The following CHRDL2 variants were observed in gnomAD, a reference collection of about 807,000 sequenced individuals.
The protein encoded by CHRDL2 is chordin like 2.
A neutral mutation model predicts 54.3 loss-of-function variants in CHRDL2; 41 were observed. The ratio of observed to expected loss-of-function variants is 0.76; its 90% CI spans 0.59 to 0.98. The LOEUF is 0.98. CHRDL2 is among the 50% of genes least tolerant of loss of function. The pLI is 0.00. For synonymous variants in CHRDL2, 220 were observed against 224.3 expected (o/e 0.98, Z 0.17); for missense variants, 518 against 562.4 (o/e 0.92, Z 0.80).
At chr11:74,701,743 A>C in intron 9 of CHRDL2, 1 of 574,314 alleles carries the variant, frequency 1.7e-6, no homozygotes, top group Non-Finnish European at 3.2e-6. Flanking sequence ...AAAGTGCTAC[A>C]CACATTGGTT....
intron 3 of CHRDL2, 124 bp downstream of exon 3, chr11:74,713,262 G>T: frequency 2.6e-6 from 2 of 766,028 alleles, no homozygotes; most frequent in Non-Finnish European, 2.1e-6. Flanking sequence ...GAGCACCTTT[G>T]TGTGTCTACA....
At chr11:74,711,098 T>C in intron 3 of CHRDL2, 107 bp from the exon 4 acceptor site, 3 of 1,305,418 alleles carry the variant, frequency 2.3e-6, no homozygotes, top group Non-Finnish European at 3.2e-6. Flanking sequence ...GACCCCAGCT[T>C]GATATTTAAA....
chr11:74,718,656 T>C, intron 2 of CHRDL2, 64 bp downstream of exon 2: 1 of 1,112,520 alleles, frequency 9.0e-7, no homozygotes, highest in Non-Finnish European at 1.3e-6. Flanking sequence ...CCTTCTGGGG[T>C]GACTTCTCTG....
Position 74,718,737 on chromosome 11 carries a change from G to A in CHRDL2, c.178C>T (p.Arg60Cys), listed in dbSNP as rs1241551261. The A allele has an allele frequency of 9.9e-6, 16 of 1,609,616 alleles. No homozygotes were observed. Among genetic ancestry groups the A allele is most frequent in the Admixed American group, 3.3e-5 (2 of 59,904 alleles). The part of the protein sequence containing the change: ...LEPQGLMYCL[R>C]CTCSEGAHVS... ...GAACCTACCTCTGAGCAGGTACAGC[G>A]CAGGCAGTACATCAGGCCTTGTGGC... is the stretch of plus-strand genomic sequence containing the variant. Residue 60 changes from arginine to cysteine, a missense_variant, in exon 2 of 11, where the codon CGC becomes TGC. Coordinates refer to ENST00000376332, the MANE Select transcript of CHRDL2 (RefSeq NM_001278473.3).
chr11:74,712,102 G>C (rs540426145), intron 3 of CHRDL2, among the ~76,000 whole-genome samples: 2 of 152,182 alleles, frequency 1.3e-5, no homozygotes, highest in South Asian at 4.2e-4. Context: ...AAGCCACCGT[G>C]ACTGGCCAGA....
chr11:74,710,141 G>A (rs939871868), intron 4 of CHRDL2, among the ~76,000 whole-genome samples: 8 of 151,774 alleles, frequency 5.3e-5, no homozygotes, highest in Non-Finnish European at 8.8e-5. Context: ...GCATGAACCC[G>A]GGAGGCGGAG....
At chr11:74,704,036 T>C (rs1450924297) in intron 7 of CHRDL2, among the ~76,000 whole-genome samples, 1 of 152,194 alleles carries the variant, frequency 6.6e-6, no homozygotes, top group African/African-American at 2.4e-5. Context: ...GCAGCCTCGC[T>C]CTGCTCCCTC....
chr11:74,713,060 C>T (rs1187886600), intron 3 of CHRDL2, among the ~76,000 whole-genome samples: 1 of 152,192 alleles, frequency 6.6e-6, no homozygotes, highest in Non-Finnish European at 1.5e-5. Context: ...CCAGACTGCG[C>T]CCACACCCTC....
intron 1 of CHRDL2, chr11:74,719,381 TAC>T (rs5792667): frequency 0.13 from 9,839 of 76,308 alleles, 666 homozygotes; most frequent in African/African-American, 0.2. Flanking sequence ...CCCTCCCCTG[TAC>T]ACACACACAC....
chr11:74,710,920 C>G lies in CHRDL2; in HGVS notation c.361G>C (p.Gly121Arg). The G allele has an allele frequency of 1.2e-6, 2 of 1,614,080 alleles. No individual in the cohort carries two copies. The highest frequency in any genetic ancestry group is 1.7e-6 in the Non-Finnish European group (2 of 1,180,012). The change falls in exon 4 of 11, where the codon GGA becomes CGA. Residue 121 changes from glycine to arginine, a missense_variant. Gly to Arg is a moderately radical substitution (Grantham distance 125, BLOSUM62 -2). Coordinates refer to ENST00000376332, the MANE Select transcript of CHRDL2 (RefSeq NM_001278473.3). ...CQHNGTMYQH[G>R]EIFSAHELFP... is the part of the protein sequence containing the mutation. ...AGCTCATGGGCACTGAAGATCTCTCCGTGTTGGTACATGGTCCCGTTGTGC... is the reference window on the plus strand; with the variant it reads ...AGCTCATGGGCACTGAAGATCTCTCGGTGTTGGTACATGGTCCCGTTGTGC...
chr11:74,729,102 G>A (rs999305112), intron 1 of CHRDL2, among the ~76,000 whole-genome samples: 3 of 152,192 alleles, frequency 2.0e-5, no homozygotes, highest in African/African-American at 4.8e-5. Context: ...AGCAGGGTGT[G>A]GGTAGGATAA....
At chr11:74,722,628 A>G (rs889017671) in intron 1 of CHRDL2, among the ~76,000 whole-genome samples, 3 of 152,118 alleles carry the variant, frequency 2.0e-5, no homozygotes, top group Non-Finnish European at 2.9e-5. Context: ...TGACTCCCAG[A>G]GCTCTCTGTG....
At chr11:74,714,343 G>A (rs1185368191) in intron 2 of CHRDL2, among the ~76,000 whole-genome samples, 1 of 152,206 alleles carries the variant, frequency 6.6e-6, no homozygotes, top group Non-Finnish European at 1.5e-5. Context: ...ATAAATGAGA[G>A]TAAGGAAAGG....
Position 74,713,286 on chromosome 11 carries a change from G to C in CHRDL2, c.289+100C>G, listed in dbSNP as rs1313759238. The C allele has an allele frequency of 1.3e-5, 13 of 999,316 alleles. No homozygotes were observed. The East Asian group carries it at 1.7e-4, about 13-fold the overall frequency. 61.9% of individuals were successfully genotyped at this position (999,316 alleles called of 1,614,324 possible). On this transcript the variant is annotated intron_variant, in intron 3 of 10. Transcript: ENST00000376332. The stretch of plus-strand genomic sequence containing the variant: ...TGTGTGTCTACACCTCTGATGGGTA[G>C]AGACTGCCCCTCTCCTTGCAGGGGT...
chr11:74,697,559 T>C, intron 9 of CHRDL2: 1 of 545,808 alleles, frequency 1.8e-6, no homozygotes, highest in East Asian at 3.6e-5. Context: ...CCCCCTCTAA[T>C]CTGCAATCCT....
rs764610716 is a variant in CHRDL2, at chr11:74,704,605, G to A, written c.632C>T (p.Pro211Leu). The A allele has an allele frequency of 8.7e-6, 14 of 1,602,652 alleles. No individual in the cohort carries two copies. The highest frequency in any genetic ancestry group is 5.6e-5 in the South Asian group (5 of 88,646). ...GAGGCCAGTGGGGGCTGGGGTGCCC[G>A]GGCCTCTCTTTCTCCCAGCATCACT... ...CSSDAGRKRG[P>L]GTPAPTGLSA... Residue 211 changes from proline to leucine, a missense_variant, in exon 7 of 11, where the codon CCG (proline) becomes CTG (leucine). By Grantham distance (98) the Pro-to-Leu change is moderately conservative. Transcript: ENST00000376332.
chr11:74,710,148 G>A lies in CHRDL2; in HGVS notation c.432+701C>T, dbSNP rs561370589. The stretch of plus-strand genomic sequence containing the variant: ...GGAGAATGGCATGAACCCGGGAGGC[G>A]GAGCTTGCAGTGAGCCGAGATCACG... On this transcript the variant is annotated intron_variant, in intron 4 of 10. Coordinates refer to ENST00000376332, the MANE Select transcript of CHRDL2 (RefSeq NM_001278473.3). 3.3e-5 allele frequency among the ~76,000 whole-genome samples: 5 copies of A among 151,630 alleles called. No individual in the cohort carries two copies. The East Asian group carries it at 7.8e-4, about 24-fold the overall frequency.
chr11:74,711,036 T>C (rs776677161), intron 3 of CHRDL2, 45 bp from the exon 4 acceptor site: 4 of 1,574,894 alleles, frequency 2.5e-6, no homozygotes, highest in African/African-American at 2.7e-5. Context: ...TGAGGTTTCA[T>C]GTGAATCTTT....
Position 74,711,909 on chromosome 11 carries a change from A to T in CHRDL2, c.290-918T>A, listed in dbSNP as rs558619854. 5.3e-5 allele frequency among the ~76,000 whole-genome samples: 8 copies of T among 151,782 alleles called. No homozygotes were observed. The South Asian group carries it at 1.2e-3, about 24-fold the overall frequency. On this transcript the variant is annotated intron_variant, in intron 3 of 10. Transcript: ENST00000376332. Reference sequence around the variant, plus strand: ...ACTGCAACCTCCACCTCCCAGCTTCAAGCAATTCTCCTGCCTCAGCCTCCT... The same window carrying T: ...ACTGCAACCTCCACCTCCCAGCTTCTAGCAATTCTCCTGCCTCAGCCTCCT...
Sources: gnomAD v4.1 joint callset for allele counts (sites outside exome capture counted in the v4.1 genomes callset) on GRCh38, gnomAD v4.1.1 for gene constraint, MANE v1.5 for transcripts, NCBI Gene and HGNC (gene_info 2026-07-23, HGNC 2026-07-21) for gene names.